The following CTDSPL2 variants were observed in gnomAD, a reference collection of about 807,000 sequenced individuals.
CTDSPL2 encodes the protein CTD small phosphatase-like protein 2.
In CTDSPL2, 5 loss-of-function variants were observed where a neutral mutation model predicts 60.0. That is an observed-to-expected ratio of 0.08 (90% CI 0.04 to 0.18). CTDSPL2 has a LOEUF of 0.18. Among genes scored for constraint, CTDSPL2 ranks in the 10% least tolerant of loss-of-function variants. The pLI is 1.00. For missense variants in CTDSPL2, 370 were observed against 548.8 expected (o/e 0.67, Z 3.26); for synonymous variants, 186 against 189.3 (o/e 0.98, Z 0.14).
Position 44,480,400 on chromosome 15 carries a change from T to A in CTDSPL2, c.187-3824T>A, listed in dbSNP as rs1595742321. ...CATTTAGTTATTGTGCCTGTTGGTT[T>A]GTTCTCATCTGCTTGCATTTTTGAG... On this transcript the variant is annotated intron_variant, in intron 2 of 12. Transcript: ENST00000260327. Among the ~76,000 whole-genome samples, 10 of 152,204 alleles carry A rather than the reference T, an allele frequency of 6.6e-5. No individual in the cohort carries two copies. The South Asian group carries it at 2.1e-3, about 32-fold the overall frequency.
At chr15:44,432,554 T>TC (rs1354415846) in intron 1 of CTDSPL2, among the ~76,000 whole-genome samples, 1 of 151,936 alleles carries the variant, frequency 6.6e-6, no homozygotes, top group Non-Finnish European at 1.5e-5. Flanking sequence ...ACTCCTGACC[T>TC]TGTGATCCGC....
intron 1 of CTDSPL2, among the ~76,000 whole-genome samples, chr15:44,456,476 G>A (rs1213789872): frequency 1.3e-5 from 2 of 152,168 alleles, no homozygotes; most frequent in African/African-American, 2.4e-5. Context: ...TTGGGAGGGT[G>A]TGTGTGTCCA....
chr15:44,524,745 A>G lies in CTDSPL2; in HGVS notation c.*571A>G, dbSNP rs932185326. On this transcript the variant is annotated 3_prime_UTR_variant, in exon 13 of 13. Transcript: ENST00000260327. ...AGTTTTCTGGAGATAGTCAATTTTTAGTTTTTTATTATACATTTGAATGGC... is the reference window on the plus strand; with the variant it reads ...AGTTTTCTGGAGATAGTCAATTTTTGGTTTTTTATTATACATTTGAATGGC... 1 of 152,640 alleles carries G rather than the reference A, an allele frequency of 6.6e-6. No homozygotes were observed. 9.5% of individuals were successfully genotyped at this position (152,640 alleles called of 1,614,324 possible). A position where few individuals can be genotyped will look rare whatever the true frequency, so the allele number is the denominator to read the frequency against.
intron 2 of CTDSPL2, among the ~76,000 whole-genome samples, chr15:44,476,706 G>A (rs2080923758): frequency 6.6e-6 from 1 of 152,178 alleles, no homozygotes; most frequent in Non-Finnish European, 1.5e-5. Context: ...AGCGATAGGT[G>A]TGTGGTAGAT....
At chr15:44,451,262 A>G (rs1365631636) in intron 1 of CTDSPL2, among the ~76,000 whole-genome samples, 3 of 151,984 alleles carry the variant, frequency 2.0e-5, no homozygotes, top group African/African-American at 7.3e-5. Context: ...CACCATGCCC[A>G]TATAATTTTT....
intron 1 of CTDSPL2, among the ~76,000 whole-genome samples, chr15:44,439,377 G>C (rs2080037873): frequency 6.6e-6 from 1 of 151,912 alleles, no homozygotes; most frequent in Non-Finnish European, 1.5e-5. Flanking sequence ...TCGAACTCCT[G>C]ACCTTGTGAT....
intron 1 of CTDSPL2, among the ~76,000 whole-genome samples, chr15:44,441,219 A>G (rs1483735835): frequency 3.3e-5 from 5 of 152,014 alleles, no homozygotes; most frequent in Non-Finnish European, 5.9e-5. Context: ...CTACAGTGGT[A>G]GAGTTTTTTT....
intron 10 of CTDSPL2, chr15:44,517,509 T>A (rs1428912491): frequency 6.6e-6 from 1 of 151,902 alleles, no homozygotes; most frequent in East Asian, 1.9e-4. Flanking sequence ...AAAAAGAAAT[T>A]CCTGTGATCT....
chr15:44,469,382 A>G (rs1595729494), intron 2 of CTDSPL2, among the ~76,000 whole-genome samples: 2 of 152,198 alleles, frequency 1.3e-5, no homozygotes, highest in African/African-American at 2.4e-5. Context: ...AATTTTGCCT[A>G]TGGCTGTAGC....
At position 44,511,634 on chromosome 15, in the gene CTDSPL2, C is replaced by T. The variant is rs368069348; in HGVS notation, c.970-2964C>T. Among the ~76,000 whole-genome samples, 11 of 152,080 alleles carry T rather than the reference C, an allele frequency of 7.2e-5. No homozygotes were observed. In the South Asian group the frequency reaches 8.3e-4, roughly 12 times the overall value. On this transcript the variant is annotated intron_variant, in intron 8 of 12. Transcript: ENST00000260327. ...GCCTGTAATACCTCCCCTGGGAGGC[C>T]GAGGCGGGGAGATCACCTGAGTTCG...
At chr15:44,463,752 A>T (rs976772480) in intron 2 of CTDSPL2, among the ~76,000 whole-genome samples, 7 of 152,186 alleles carry the variant, frequency 4.6e-5, no homozygotes, top group African/African-American at 1.4e-4. Context: ...CACATATTCT[A>T]AAATTGCGTT....
intron 1 of CTDSPL2, among the ~76,000 whole-genome samples, chr15:44,456,146 G>A (rs1373046110): frequency 5.9e-5 from 9 of 152,106 alleles, no homozygotes; most frequent in African/African-American, 1.7e-4. Context: ...CACCGCGCCC[G>A]GCCTTTATTG....
At position 44,484,325 on chromosome 15, in the gene CTDSPL2, G is replaced by A. The variant is rs1476787979; in HGVS notation, c.288G>A (p.Gln96=). The part of the protein sequence containing the change: ...TPRAGEKPNK[Q]ISRVRRKSQV... ...GAGCAGGAGAAAAACCTAACAAACA[G>A]ATATCTCGAGTAAGACGGAAAAGTC... Residue 96 remains glutamine (Q), a synonymous_variant, in exon 3 of 13, where the codon CAG becomes CAA. Transcript: ENST00000260327. 1 of 1,613,602 alleles carries A rather than the reference G, an allele frequency of 6.2e-7. No individual in the cohort carries two copies. Among genetic ancestry groups the A allele is most frequent in the African/African-American group, 1.3e-5 (1 of 74,888 alleles).
chr15:44,434,932 C>A (rs1429462448), intron 1 of CTDSPL2, among the ~76,000 whole-genome samples: 1 of 151,652 alleles, frequency 6.6e-6, no homozygotes, highest in Non-Finnish European at 1.5e-5. Flanking sequence ...AGAAAGACCA[C>A]CTGTCTTTAT....
intron 12 of CTDSPL2, among the ~76,000 whole-genome samples, chr15:44,522,477 G>A (rs1489599267): frequency 1.3e-5 from 2 of 152,168 alleles, no homozygotes; most frequent in East Asian, 3.9e-4. Context: ...AATTGGCCGG[G>A]TGTGGTGGCT....
chr15:44,482,644 A>G (rs1217710885), intron 2 of CTDSPL2, among the ~76,000 whole-genome samples: 1 of 152,202 alleles, frequency 6.6e-6, no homozygotes, highest in Admixed American at 6.5e-5. Flanking sequence ...AGAATAGTAC[A>G]TGGTCAGAAT....
intron 1 of CTDSPL2, among the ~76,000 whole-genome samples, chr15:44,431,709 T>C (rs1250718295): frequency 6.8e-6 from 1 of 147,052 alleles, no homozygotes; most frequent in Non-Finnish European, 1.5e-5. Flanking sequence ...TGTTTGTTTG[T>C]TTGTTTGTTT....
At chr15:44,441,255 G>A (rs1315145584) in intron 1 of CTDSPL2, among the ~76,000 whole-genome samples, 1 of 151,898 alleles carries the variant, frequency 6.6e-6, no homozygotes, top group Non-Finnish European at 1.5e-5. Context: ...GCATTCACTT[G>A]TGCCTTGCGG....
chr15:44,436,005 G>C (rs1464183474), intron 1 of CTDSPL2, among the ~76,000 whole-genome samples: 1 of 151,894 alleles, frequency 6.6e-6, no homozygotes, highest in African/African-American at 2.4e-5. Context: ...TTTTCCCCAA[G>C]TCCTCCTCCT....
Sources: gnomAD v4.1 joint callset for allele counts (sites outside exome capture counted in the v4.1 genomes callset) on GRCh38, gnomAD v4.1.1 for gene constraint, MANE v1.5 for transcripts, NCBI Gene and HGNC (gene_info 2026-07-23, HGNC 2026-07-21) for gene names.